The following UVRAG variants were observed in gnomAD, a reference collection of about 807,000 sequenced individuals.
UVRAG encodes the protein UV radiation resistance-associated gene protein.
Under a neutral mutation model 78.0 loss-of-function variants are expected in UVRAG, and 19 were observed. That is an observed-to-expected ratio of 0.24 (90% CI 0.17 to 0.36). The LOEUF is 0.36. UVRAG is among the 10% of genes least tolerant of loss of function. The probability of loss-of-function intolerance (pLI) is 1.00; values close to 1 mark genes in which losing one functional copy is unlikely to be tolerated. For missense variants in UVRAG, 740 were observed against 853.8 expected, an observed-to-expected ratio of 0.87 and a Z score of 1.66; for synonymous variants, 323 against 324.6, an observed-to-expected ratio of 1.00 and a Z score of 0.05.
At chr11:75,921,510 C>G (rs546894008) in intron 6 of UVRAG, among the ~76,000 whole-genome samples, 1 of 152,118 alleles carries the variant, frequency 6.6e-6, no homozygotes, top group South Asian at 2.1e-4. Flanking sequence ...CTTATGATAC[C>G]TTATACAAAA....
chr11:75,972,793 T>C (rs1949150657), intron 7 of UVRAG, among the ~76,000 whole-genome samples: 1 of 152,248 alleles, frequency 6.6e-6, no homozygotes, highest in Admixed American at 6.5e-5. Context: ...ACAAAATAAT[T>C]TGATGGATAA....
intron 7 of UVRAG, among the ~76,000 whole-genome samples, 193 bp from the exon 8 acceptor site, chr11:75,983,194 T>A (rs1949427604): frequency 6.6e-6 from 1 of 152,236 alleles, no homozygotes; most frequent in Non-Finnish European, 1.5e-5. Context: ...CTTTTACTCT[T>A]ATTCTTTGCT....
intron 14 of UVRAG, among the ~76,000 whole-genome samples, chr11:76,123,523 A>G (rs1305284074): frequency 6.6e-6 from 1 of 152,212 alleles, no homozygotes; most frequent in Non-Finnish European, 1.5e-5. Context: ...TGAATAAGAA[A>G]AAGGAAGAAT....
intron 6 of UVRAG, among the ~76,000 whole-genome samples, chr11:75,932,377 C>T (rs774525349): frequency 3.6e-4 from 55 of 151,950 alleles, no homozygotes; most frequent in Non-Finnish European, 6.6e-4. Context: ...CTCTGCCTCC[C>T]GAGTTCAAGT....
intron 12 of UVRAG, among the ~76,000 whole-genome samples, chr11:76,026,122 C>T (rs2135389935): frequency 6.6e-6 from 1 of 152,190 alleles, no homozygotes; most frequent in Non-Finnish European, 1.5e-5. Flanking sequence ...TTCTGATGGC[C>T]TCTTCTTGAA....
intron 13 of UVRAG, among the ~76,000 whole-genome samples, chr11:76,081,346 C>G (rs973730550): frequency 5.9e-5 from 9 of 152,058 alleles, no homozygotes; most frequent in African/African-American, 2.2e-4. Context: ...GCTGAGATTA[C>G]AGGCACCTGC....
At chr11:76,073,883 T>C (rs1951359941) in intron 13 of UVRAG, among the ~76,000 whole-genome samples, 1 of 152,196 alleles carries the variant, frequency 6.6e-6, no homozygotes, top group African/African-American at 2.4e-5. Flanking sequence ...TGTATAAGGC[T>C]GGATTTTCTT....
At chr11:76,072,815 G>A (rs572289142) in intron 13 of UVRAG, among the ~76,000 whole-genome samples, 1 of 152,300 alleles carries the variant, frequency 6.6e-6, no homozygotes, top group South Asian at 2.1e-4. Context: ...TGTGCCAACT[G>A]TACAGAATTT....
At chr11:75,851,859 C>T (rs1421500727) in intron 1 of UVRAG, 24 bp from the exon 2 acceptor site, 2 of 1,576,378 alleles carry the variant, frequency 1.3e-6, no homozygotes, top group Middle Eastern at 1.7e-4. Flanking sequence ...TGAATGCCTT[C>T]TCTTTTTTGT....
intron 7 of UVRAG, among the ~76,000 whole-genome samples, chr11:75,971,679 G>A (rs1949124531): frequency 6.6e-6 from 1 of 151,306 alleles, no homozygotes; most frequent in African/African-American, 2.4e-5. Flanking sequence ...TTTAAATTGA[G>A]TTGTTCATTT....
intron 14 of UVRAG, among the ~76,000 whole-genome samples, chr11:76,125,576 T>G (rs1400811899): frequency 6.6e-6 from 1 of 152,200 alleles, no homozygotes; most frequent in Admixed American, 6.5e-5. Context: ...GCCAACATCC[T>G]TTGTGCACTA....
At chr11:76,067,100 T>A (rs537606005) in intron 13 of UVRAG, among the ~76,000 whole-genome samples, 5 of 152,330 alleles carry the variant, frequency 3.3e-5, no homozygotes, top group African/African-American at 1.2e-4. Flanking sequence ...GAGATTTTTT[T>A]AATTTGTTTT....
chr11:76,052,181 C>T (rs1950883231), intron 12 of UVRAG, among the ~76,000 whole-genome samples: 1 of 152,186 alleles, frequency 6.6e-6, no homozygotes, highest in South Asian at 2.1e-4. Flanking sequence ...TGTGTTTGCC[C>T]AGCCTTATAT....
intron 12 of UVRAG, among the ~76,000 whole-genome samples, chr11:76,062,540 G>T (rs1311014571): frequency 1.3e-5 from 2 of 152,080 alleles, no homozygotes; most frequent in Non-Finnish European, 2.9e-5. Flanking sequence ...TCCTTCATTT[G>T]TTGTCCCTGA....
rs1952729916 is a variant in UVRAG, at chr11:76,141,898, C to G, written c.*485C>G. ...GCCATCTGTGAGGTAGATGAAGAAG[C>G]AGCATAGTGGTCTCCTTACATCTAG... On this transcript the variant is annotated 3_prime_UTR_variant, in exon 15 of 15. Coordinates refer to ENST00000356136, the MANE Select transcript of UVRAG (RefSeq NM_003369.4). 1 of 166,128 alleles carries G rather than the reference C, an allele frequency of 6.0e-6. No homozygotes were observed. The highest frequency in any genetic ancestry group is 2.4e-5 in the African/African-American group (1 of 41,518). 10.3% of individuals were successfully genotyped at this position (166,128 alleles called of 1,614,324 possible). A position where few individuals can be genotyped will look rare whatever the true frequency, so the allele number is the denominator to read the frequency against.
chr11:76,061,967 C>T (rs1329613532), intron 12 of UVRAG, among the ~76,000 whole-genome samples: 1 of 152,070 alleles, frequency 6.6e-6, no homozygotes, highest in Non-Finnish European at 1.5e-5. Context: ...TGTAAATTAC[C>T]AGAAACTTGA....
intron 4 of UVRAG, 41 bp from the exon 5 acceptor site, chr11:75,888,787 CG>C: frequency 6.6e-7 from 1 of 1,522,764 alleles, no homozygotes; most frequent in Non-Finnish European, 9.0e-7. Context: ...AAAACATGAT[CG>C]GAATAAAAAT....
chr11:76,103,823 G>A (rs1015575875), intron 13 of UVRAG, among the ~76,000 whole-genome samples: 1 of 152,062 alleles, frequency 6.6e-6, no homozygotes, highest in Non-Finnish European at 1.5e-5. Flanking sequence ...GAATGATTAA[G>A]AGGCTGTAGG....
intron 13 of UVRAG, among the ~76,000 whole-genome samples, chr11:76,098,453 C>G (rs1405637492): frequency 6.6e-6 from 1 of 152,106 alleles, no homozygotes; most frequent in Admixed American, 6.6e-5. Context: ...AACCAAAGAC[C>G]CTTTCATTTT....
Sources: gnomAD v4.1 joint callset for allele counts (sites outside exome capture counted in the v4.1 genomes callset) on GRCh38, gnomAD v4.1.1 for gene constraint, MANE v1.5 for transcripts, NCBI Gene and HGNC (gene_info 2026-07-23, HGNC 2026-07-21) for gene names.